Variants in SSBP2 observed in about 807,000 individuals in gnomAD.
SSBP2 encodes single stranded DNA binding protein 2, also known as single-stranded DNA-binding protein 2.
A neutral mutation model predicts 61.8 loss-of-function variants in SSBP2; 17 were observed. The observed-to-expected ratio is 0.28, with a 90% confidence interval of 0.19 to 0.41. SSBP2 has a LOEUF of 0.41. SSBP2 is among the 10% of genes least tolerant of loss of function. The pLI, the probability that SSBP2 is intolerant of heterozygous loss-of-function variation, is 1.00. For missense variants in SSBP2, 310 were observed against 458.7 expected (o/e 0.68, Z 2.96); for synonymous variants, 139 against 141.3 (o/e 0.98, Z 0.12).
At chr5:81,420,562 A>G (rs370236848) in intron 16 of SSBP2, 29 bp from the exon 17 acceptor site, 1 of 1,599,282 alleles carries the variant, frequency 6.3e-7, no homozygotes, top group Admixed American at 1.7e-5. Flanking sequence ...CCATATTTTA[A>G]CAACAATTCT....
chr5:81,459,078 A>G (rs543583089), intron 10 of SSBP2, among the ~76,000 whole-genome samples: 10 of 152,280 alleles, frequency 6.6e-5, no homozygotes, highest in Non-Finnish European at 1.2e-4. Flanking sequence ...TCAAATGCCC[A>G]TTTCAGACTG....
chr5:81,577,273 A>G (rs1483734923), intron 4 of SSBP2, among the ~76,000 whole-genome samples: 1 of 152,042 alleles, frequency 6.6e-6, no homozygotes, highest in Non-Finnish European at 1.5e-5. Flanking sequence ...AATCAGCTCT[A>G]TATAATCAAT....
chr5:81,448,754 C>A, intron 11 of SSBP2, 36 bp downstream of exon 11: 4 of 1,593,632 alleles, frequency 2.5e-6, no homozygotes, highest in Non-Finnish European at 3.4e-6. Flanking sequence ...AATGTAACAT[C>A]AATTCTTATA....
At chr5:81,701,736 T>C (rs942059008) in intron 1 of SSBP2, among the ~76,000 whole-genome samples, 1 of 152,212 alleles carries the variant, frequency 6.6e-6, no homozygotes, top group African/African-American at 2.4e-5. Context: ...TGTCACTTTG[T>C]TCCATCCTTG....
chr5:81,556,962 A>G (rs1376302089), intron 4 of SSBP2, among the ~76,000 whole-genome samples: 1 of 152,158 alleles, frequency 6.6e-6, no homozygotes, highest in Non-Finnish European at 1.5e-5. Flanking sequence ...GCTGTACATA[A>G]CTTTTGTGAT....
intron 5 of SSBP2, among the ~76,000 whole-genome samples, chr5:81,510,813 C>T (rs544180002): frequency 6.6e-6 from 1 of 152,220 alleles, no homozygotes; most frequent in East Asian, 1.9e-4. Context: ...AAATTCTCTC[C>T]CTATCTTCAG....
chr5:81,599,853 G>A (rs183238897), intron 4 of SSBP2, among the ~76,000 whole-genome samples: 1 of 152,234 alleles, frequency 6.6e-6, no homozygotes, highest in Admixed American at 6.5e-5. Context: ...AGCTCCTCCT[G>A]GAAGACTTCC....
intron 1 of SSBP2, among the ~76,000 whole-genome samples, chr5:81,709,117 G>A (rs1302009630): frequency 1.3e-5 from 2 of 151,936 alleles, no homozygotes; most frequent in East Asian, 3.8e-4. Flanking sequence ...GCCAATAAGA[G>A]CTTGAAAGCT....
chr5:81,497,448 A>G (rs1203069656), intron 5 of SSBP2, among the ~76,000 whole-genome samples: 1 of 152,202 alleles, frequency 6.6e-6, no homozygotes, highest in Non-Finnish European at 1.5e-5. Flanking sequence ...CGCAAAAGAT[A>G]TAATAAAGCT....
At chr5:81,664,160 T>C (rs990182599) in intron 1 of SSBP2, among the ~76,000 whole-genome samples, 5 of 151,142 alleles carry the variant, frequency 3.3e-5, no homozygotes, top group Non-Finnish European at 5.9e-5. Context: ...TCTCACTCTA[T>C]TGCCCAGGCT....
chr5:81,688,320 C>T (rs1474478607), intron 1 of SSBP2, among the ~76,000 whole-genome samples: 1 of 152,220 alleles, frequency 6.6e-6, no homozygotes. Flanking sequence ...AATGGCATCA[C>T]TGGATCCGCC....
intron 1 of SSBP2, among the ~76,000 whole-genome samples, chr5:81,729,427 A>C (rs1022928191): frequency 2.6e-5 from 4 of 152,182 alleles, no homozygotes; most frequent in African/African-American, 9.7e-5. Flanking sequence ...ACACAGCAAA[A>C]TGGGTAGGTC....
chr5:81,442,239 TA>T (rs1006100145), intron 13 of SSBP2, among the ~76,000 whole-genome samples: 4 of 151,702 alleles, frequency 2.6e-5, no homozygotes, highest in African/African-American at 4.8e-5. Flanking sequence ...TTTCATATTC[TA>T]AAAAAAACAA....
chr5:81,634,251 A>G (rs1421239617), intron 3 of SSBP2, among the ~76,000 whole-genome samples: 1 of 152,232 alleles, frequency 6.6e-6, no homozygotes, highest in Non-Finnish European at 1.5e-5. Flanking sequence ...GCTTATCTTA[A>G]TCCAGACAGT....
chr5:81,501,402 T>C (rs578029778), intron 5 of SSBP2, among the ~76,000 whole-genome samples: 40 of 149,310 alleles, frequency 2.7e-4, no homozygotes, highest in African/African-American at 9.0e-4. Context: ...CAGAGAGTAT[T>C]TGTAGAATAC....
At chr5:81,749,519 G>C (rs369276735) in intron 1 of SSBP2, among the ~76,000 whole-genome samples, 1 of 152,162 alleles carries the variant, frequency 6.6e-6, no homozygotes, top group Non-Finnish European at 1.5e-5. Flanking sequence ...CTGTGCGCAA[G>C]GTAACCAAAG....
chr5:81,690,972 T>C (rs1753163932), intron 1 of SSBP2, among the ~76,000 whole-genome samples: 1 of 151,966 alleles, frequency 6.6e-6, no homozygotes, highest in Non-Finnish European at 1.5e-5. Flanking sequence ...AAATGACCAG[T>C]GGGGTCAGTG....
At chr5:81,538,225 A>C (rs746008858) in intron 4 of SSBP2, among the ~76,000 whole-genome samples, 4 of 152,216 alleles carry the variant, frequency 2.6e-5, no homozygotes, top group Non-Finnish European at 5.9e-5. Flanking sequence ...GTTTATACAG[A>C]GAAAGATTTA....
chr5:81,485,372 A>G (rs1344747840), intron 6 of SSBP2, among the ~76,000 whole-genome samples: 2 of 152,170 alleles, frequency 1.3e-5, no homozygotes, highest in African/African-American at 4.8e-5. Context: ...TCCAATACCC[A>G]GTGCTATACA....
Sources: gnomAD v4.1 joint callset for allele counts (sites outside exome capture counted in the v4.1 genomes callset) on GRCh38, gnomAD v4.1.1 for gene constraint, MANE v1.5 for transcripts, NCBI Gene and HGNC (gene_info 2026-07-23, HGNC 2026-07-21) for gene names.